The following RAPGEF4 variants were observed in gnomAD, a reference collection of about 807,000 sequenced individuals.
RAPGEF4 encodes the protein Rap guanine nucleotide exchange factor 4.
In RAPGEF4, 66 loss-of-function variants were observed where a neutral mutation model predicts 147.9. That is an observed-to-expected ratio of 0.45 (90% CI 0.37 to 0.55). RAPGEF4 has a LOEUF of 0.55. RAPGEF4 is among the 20% of genes least tolerant of loss of function. The pLI is 0.00. For missense variants in RAPGEF4, 1,071 were observed against 1,257.3 expected (o/e 0.85, Z 2.24); for synonymous variants, 419 against 442.7 (o/e 0.95, Z 0.67).
chr2:173,032,342 G>C (rs1028764388), intron 26 of RAPGEF4, among the ~76,000 whole-genome samples: 4 of 152,196 alleles, frequency 2.6e-5, no homozygotes, highest in Non-Finnish European at 4.4e-5. Context: ...GGATTGGCAG[G>C]ATGGCCCTAT....
chr2:172,810,760 G>A (rs1422906977), intron 3 of RAPGEF4, among the ~76,000 whole-genome samples: 1 of 152,148 alleles, frequency 6.6e-6, no homozygotes, highest in Non-Finnish European at 1.5e-5. Flanking sequence ...AGTGGTAAGT[G>A]ACACTCTGGC....
At chr2:173,005,479 A>T (rs1040179731) in intron 17 of RAPGEF4, among the ~76,000 whole-genome samples, 4 of 150,654 alleles carry the variant, frequency 2.7e-5, no homozygotes, top group African/African-American at 9.8e-5. Flanking sequence ...AAAGCAAAAA[A>T]GTCTGGTATA....
chr2:173,031,527 G>A (rs1194204229), intron 26 of RAPGEF4, among the ~76,000 whole-genome samples: 1 of 152,114 alleles, frequency 6.6e-6, no homozygotes, highest in African/African-American at 2.4e-5. Flanking sequence ...GTTGGTTGGG[G>A]ACATTTTAAA....
intron 29 of RAPGEF4, among the ~76,000 whole-genome samples, chr2:173,038,580 C>G (rs893607198): frequency 6.6e-6 from 1 of 152,036 alleles, no homozygotes; most frequent in African/African-American, 2.4e-5. Flanking sequence ...CACACCAGGG[C>G]CTGTCGGAGG....
chr2:172,943,197 G>A (rs1240636649), intron 6 of RAPGEF4, among the ~76,000 whole-genome samples: 1 of 152,208 alleles, frequency 6.6e-6, no homozygotes, highest in Non-Finnish European at 1.5e-5. Flanking sequence ...GCAGGCAGAG[G>A]TGATGTTCTG....
At chr2:172,740,689 C>G (rs1409154270) in intron 1 of RAPGEF4, among the ~76,000 whole-genome samples, 1 of 152,156 alleles carries the variant, frequency 6.6e-6, no homozygotes, top group Non-Finnish European at 1.5e-5. Flanking sequence ...AGAAAGGGGT[C>G]CCTGGAGGAG....
chr2:172,774,848 T>C (rs977797695), intron 1 of RAPGEF4, among the ~76,000 whole-genome samples: 5 of 152,242 alleles, frequency 3.3e-5, no homozygotes, highest in African/African-American at 1.2e-4. Context: ...TGCTTGTACA[T>C]GCTAGACATG....
chr2:173,050,757 C>CAAAA (rs34661805), intron 30 of RAPGEF4, among the ~76,000 whole-genome samples: 2 of 120,076 alleles, frequency 1.7e-5, no homozygotes, highest in South Asian at 2.6e-4. Context: ...CATTTCTTAA[C>CAAAA]AAAAAAAAAA....
At chr2:173,033,401 T>TACCCAG (rs569153205) in intron 26 of RAPGEF4, among the ~76,000 whole-genome samples, 139 of 152,334 alleles carry the variant, frequency 9.1e-4, no homozygotes, top group African/African-American at 3.3e-3. Context: ...GAGTACTATG[T>TACCCAG]ACCCAGTACT....
At chr2:172,995,003 A>G (rs959029285) in intron 15 of RAPGEF4, among the ~76,000 whole-genome samples, 22 of 152,236 alleles carry the variant, frequency 1.4e-4, no homozygotes, top group Middle Eastern at 3.4e-3. Context: ...TGCATTGGCC[A>G]CCTCATTCAA....
chr2:172,813,483 T>C (rs1399368833), intron 3 of RAPGEF4, among the ~76,000 whole-genome samples: 1 of 152,234 alleles, frequency 6.6e-6, no homozygotes, highest in East Asian at 1.9e-4. Flanking sequence ...CTGTTTTTAC[T>C]CTGTTGTGGC....
intron 10 of RAPGEF4, among the ~76,000 whole-genome samples, chr2:172,969,579 C>T (rs1207767205): frequency 6.6e-6 from 1 of 152,248 alleles, no homozygotes; most frequent in African/African-American, 2.4e-5. Flanking sequence ...AATGTTCCCT[C>T]AGCTCTTACT....
chr2:172,992,841 C>G (rs1322652942), intron 15 of RAPGEF4, among the ~76,000 whole-genome samples: 1 of 151,870 alleles, frequency 6.6e-6, no homozygotes, highest in Non-Finnish European at 1.5e-5. Context: ...TAATCATTTC[C>G]CTGAAGAATG....
At chr2:173,001,206 T>C (rs904148764) in intron 16 of RAPGEF4, 60 bp from the exon 17 acceptor site, 36 of 1,607,298 alleles carry the variant, frequency 2.2e-5, no homozygotes, top group Non-Finnish European at 3.1e-5. Context: ...TGGATACTCT[T>C]GCTTTCCTAA....
At chr2:173,014,441 T>A in intron 17 of RAPGEF4, 23 bp from the exon 18 acceptor site, 1 of 1,613,192 alleles carries the variant, frequency 6.2e-7, no homozygotes, top group Non-Finnish European at 8.5e-7. Context: ...AATGGCTCAA[T>A]TTCTTCCTTG....
intron 1 of RAPGEF4, among the ~76,000 whole-genome samples, chr2:172,749,947 A>C (rs146726416): frequency 0.013 from 2,048 of 152,292 alleles, 27 homozygotes; most frequent in Non-Finnish European, 0.021. Flanking sequence ...TCTTTGCTAA[A>C]ACATAGCAAG....
chr2:172,878,704 A>G (rs2149842166), intron 4 of RAPGEF4, among the ~76,000 whole-genome samples: 1 of 152,302 alleles, frequency 6.6e-6, no homozygotes, highest in South Asian at 2.1e-4. Context: ...AACTCAAAAT[A>G]TTTTATCAAT....
chr2:172,970,496 G>T (rs1485350827), intron 10 of RAPGEF4, among the ~76,000 whole-genome samples: 1 of 152,150 alleles, frequency 6.6e-6, no homozygotes, highest in Non-Finnish European at 1.5e-5. Flanking sequence ...TGCCAGAGAG[G>T]TTGCAGAACT....
At chr2:173,025,025 A>C (rs185438225) in intron 23 of RAPGEF4, among the ~76,000 whole-genome samples, 96 of 152,342 alleles carry the variant, frequency 6.3e-4, no homozygotes, top group Admixed American at 2.7e-3. Flanking sequence ...CAGCTTCTTC[A>C]AGATCCTGTT....
Sources: allele counts gnomAD v4.1 joint callset (sites outside exome capture counted in the v4.1 genomes callset), GRCh38; gene constraint gnomAD v4.1.1; transcripts MANE v1.5; gene names NCBI Gene and HGNC (gene_info 2026-07-23, HGNC 2026-07-21).